Variants in VPS13B observed in about 807,000 individuals in gnomAD.
The protein encoded by VPS13B is vacuolar protein sorting 13 homolog B.
VPS13B carries 285 observed loss-of-function variants against 426.4 expected under a neutral mutation model. The ratio of observed to expected loss-of-function variants is 0.67; its 90% CI spans 0.61 to 0.74. The LOEUF is 0.74. Among genes scored for constraint, VPS13B ranks in the 30% least tolerant of loss-of-function variants. The pLI is 0.00. For missense variants in VPS13B, 4,537 were observed against 4,782.6 expected (o/e 0.95, Z 1.51); for synonymous variants, 1,676 against 1,676.4 (o/e 1.00, Z 0.01).
intron 21 of VPS13B, among the ~76,000 whole-genome samples, chr8:99,431,284 G>A (rs948057634): frequency 6.6e-6 from 1 of 152,160 alleles, no homozygotes; most frequent in Non-Finnish European, 1.5e-5. Flanking sequence ...CACTTCACAA[G>A]TCTACCTTCT....
chr8:99,355,652 G>C (rs1812143738), intron 19 of VPS13B, among the ~76,000 whole-genome samples: 1 of 152,104 alleles, frequency 6.6e-6, no homozygotes, highest in South Asian at 2.1e-4. Context: ...GTATGACTCT[G>C]CCCTTTCCTT....
intron 40 of VPS13B, among the ~76,000 whole-genome samples, chr8:99,774,781 G>A (rs1381698179): frequency 6.6e-6 from 1 of 152,166 alleles, no homozygotes; most frequent in Non-Finnish European, 1.5e-5. Context: ...TCTTGCCAAT[G>A]AAATCTTTTG....
intron 43 of VPS13B, 136 bp from the exon 44 acceptor site, chr8:99,809,239 G>T: frequency 9.2e-7 from 1 of 1,088,762 alleles, no homozygotes; most frequent in South Asian, 1.3e-5. Context: ...GGAAGTGGAT[G>T]AATAATGCAG....
chr8:99,106,601 G>T (rs1238475407), intron 5 of VPS13B, among the ~76,000 whole-genome samples: 1 of 151,992 alleles, frequency 6.6e-6, no homozygotes, highest in Non-Finnish European at 1.5e-5. Context: ...ACTTACTACT[G>T]CCCCTTCTTT....
chr8:99,692,462 G>C (rs1027032623), intron 35 of VPS13B, among the ~76,000 whole-genome samples: 4 of 147,980 alleles, frequency 2.7e-5, no homozygotes, highest in Non-Finnish European at 4.4e-5. Context: ...ATAACGAAAT[G>C]AAGGCAGAAA....
At chr8:99,335,682 C>T (rs1346250655) in intron 19 of VPS13B, among the ~76,000 whole-genome samples, 1 of 152,102 alleles carries the variant, frequency 6.6e-6, no homozygotes, top group Non-Finnish European at 1.5e-5. Context: ...GATACAAAAT[C>T]AATGTGCAAA....
chr8:99,121,444 A>C lies in VPS13B; in HGVS notation c.1205A>C (p.Lys402Thr). Residue 402 changes from lysine to threonine, a missense_variant and splice_region_variant, in exon 8 of 62, where the codon AAA becomes ACA. Coordinates refer to ENST00000357162, the MANE Select transcript of VPS13B (RefSeq NM_152564.5). Reference sequence around the variant, plus strand: ...TGCACAAAGGCAACGGTGACTTTCAAAGTAGGTCTTTTCTCTTGCTGTTTA... The same window carrying C: ...TGCACAAAGGCAACGGTGACTTTCACAGTAGGTCTTTTCTCTTGCTGTTTA... ...FYCTKATVTFKLTEMQVESSY... is the reference protein window; with the variant it reads ...FYCTKATVTFTLTEMQVESSY... 1.2e-6 allele frequency: 2 copies of C among 1,614,128 alleles called. 1 individual carries two copies.
At chr8:99,856,168 C>T (rs1816534560) in intron 56 of VPS13B, among the ~76,000 whole-genome samples, 1 of 152,204 alleles carries the variant, frequency 6.6e-6, no homozygotes, top group Non-Finnish European at 1.5e-5. Context: ...TTCACAAGAA[C>T]ATTCTATTTG....
Position 99,135,615 on chromosome 8 carries a change from G to A in VPS13B, c.1445G>A (p.Cys482Tyr). 2 of 1,613,122 alleles carry A rather than the reference G, an allele frequency of 1.2e-6. No homozygotes were observed. The highest frequency in any genetic ancestry group is 1.1e-5 in the South Asian group (1 of 91,034). ...RSETEACFFI[C>Y]GDNLSTKGFT... ...TTTCAGGAAGCCTGTTTCTTCATTT[G>A]TGGTGACAATTTGAGTACGAAAGGT... Residue 482 changes from cysteine (C) to tyrosine (Y), a missense_variant, in exon 11 of 62, where the codon TGT becomes TAT. Coordinates refer to ENST00000357162, the MANE Select transcript of VPS13B (RefSeq NM_152564.5).
chr8:99,732,856 T>C (rs1023925183), intron 39 of VPS13B, among the ~76,000 whole-genome samples: 1 of 152,264 alleles, frequency 6.6e-6, no homozygotes, highest in Non-Finnish European at 1.5e-5. Context: ...AAGGAATTTG[T>C]CAGTAAGACG....
chr8:99,683,309 C>T (rs1831233727), intron 35 of VPS13B, among the ~76,000 whole-genome samples: 1 of 152,104 alleles, frequency 6.6e-6, no homozygotes, highest in Non-Finnish European at 1.5e-5. Context: ...TATTCTTTCT[C>T]AAAAATGTTT....
At chr8:99,050,875 G>A (rs2132262745) in intron 3 of VPS13B, among the ~76,000 whole-genome samples, 1 of 152,150 alleles carries the variant, frequency 6.6e-6, no homozygotes, top group East Asian at 1.9e-4. Context: ...ACTTTTTGAT[G>A]GGGTTGTTTT....
chr8:99,795,308 T>A (rs576263468), intron 43 of VPS13B, among the ~76,000 whole-genome samples: 2 of 152,176 alleles, frequency 1.3e-5, no homozygotes, highest in African/African-American at 4.8e-5. Flanking sequence ...TTTCCACCCA[T>A]GTCCAATAAC....
At chr8:99,497,305 T>C (rs181763882) in intron 25 of VPS13B, among the ~76,000 whole-genome samples, 1 of 144,910 alleles carries the variant, frequency 6.9e-6, no homozygotes, top group Non-Finnish European at 1.5e-5. Context: ...CATATATACA[T>C]AAAATAATAT....
intron 17 of VPS13B, among the ~76,000 whole-genome samples, chr8:99,202,756 G>A (rs961263165): frequency 5.3e-5 from 8 of 152,080 alleles, no homozygotes; most frequent in African/African-American, 1.4e-4. Flanking sequence ...AAAAATGGGC[G>A]TGGTGGCTCA....
intron 22 of VPS13B, among the ~76,000 whole-genome samples, chr8:99,439,649 T>C (rs1817582173): frequency 6.6e-6 from 1 of 152,122 alleles, no homozygotes; most frequent in African/African-American, 2.4e-5. Context: ...AATAAATATA[T>C]TATTTGGGAA....
At chr8:99,422,462 A>G (rs1243031776) in intron 21 of VPS13B, among the ~76,000 whole-genome samples, 1 of 152,178 alleles carries the variant, frequency 6.6e-6, no homozygotes, top group Non-Finnish European at 1.5e-5. Context: ...AATAGTACTC[A>G]TATAGTACTA....
chr8:99,086,256 A>T (rs1395601495), intron 3 of VPS13B, among the ~76,000 whole-genome samples: 1 of 152,116 alleles, frequency 6.6e-6, no homozygotes, highest in East Asian at 1.9e-4. Context: ...TGAATCGGCT[A>T]CTGAGGCTTG....
intron 33 of VPS13B, among the ~76,000 whole-genome samples, chr8:99,614,379 G>A (rs1285906133): frequency 6.6e-6 from 1 of 152,088 alleles, no homozygotes; most frequent in Non-Finnish European, 1.5e-5. Context: ...CCGGGTTCAA[G>A]CGATTCTCCT....
Sources: allele counts gnomAD v4.1 joint callset (sites outside exome capture counted in the v4.1 genomes callset), GRCh38; gene constraint gnomAD v4.1.1; transcripts MANE v1.5; gene names NCBI Gene and HGNC (gene_info 2026-07-23, HGNC 2026-07-21).